RGS7: variants seen among roughly 807,000 people sequenced by gnomAD.
The protein encoded by RGS7 is regulator of G-protein signaling 7.
In RGS7, 27 loss-of-function variants were observed where a neutral mutation model predicts 81.1. That is an observed-to-expected ratio of 0.33 (90% CI 0.25 to 0.46). The LOEUF (loss-of-function observed/expected upper bound fraction) is 0.46. Ranked by LOEUF, RGS7 falls within the 20% of genes least tolerant of loss-of-function variation. The probability of loss-of-function intolerance (pLI) is 1.00; values close to 1 mark genes in which losing one functional copy is unlikely to be tolerated. For synonymous variants in RGS7, 208 were observed against 207.7 expected (o/e 1.00, Z -0.01); for missense variants, 396 against 607.4 (o/e 0.65, Z 3.66).
At chr1:241,226,315 G>A (rs929102577) in intron 2 of RGS7, among the ~76,000 whole-genome samples, 3 of 151,882 alleles carry the variant, frequency 2.0e-5, no homozygotes, top group South Asian at 2.1e-4. Flanking sequence ...GGTGTGCAAC[G>A]TTTGAGAGGA....
chr1:241,237,273 G>A (rs1297576410), intron 2 of RGS7, among the ~76,000 whole-genome samples: 1 of 152,068 alleles, frequency 6.6e-6, no homozygotes, highest in East Asian at 1.9e-4. Flanking sequence ...TGTTTTCAGG[G>A]AACATATCTG....
At position 240,841,034 on chromosome 1, in the gene RGS7, A is replaced by G. The variant is rs376729520; in HGVS notation, c.610-13862T>C. On this transcript the variant is annotated intron_variant, in intron 9 of 18. Coordinates refer to ENST00000440928, the MANE Select transcript of RGS7 (RefSeq NM_001364886.1). The stretch of plus-strand genomic sequence containing the variant: ...CTGATCATCACCTCTCATTATTATC[A>G]TACATTTATTTAACAGGAAACAAAT... Among the ~76,000 whole-genome samples the G allele has an allele frequency of 9.8e-5, 15 of 152,328 alleles. No individual in the cohort carries two copies. The South Asian group carries it at 1.2e-3, about 13-fold the overall frequency.
chr1:240,936,721 C>G lies in RGS7; in HGVS notation c.227-15G>C. Reference sequence around the variant, plus strand: ...GAGCGCCTCCACTGTTTTATGAAAACAAACAAAGAACATAAAAAAGCCTTT... The same window carrying G: ...GAGCGCCTCCACTGTTTTATGAAAAGAAACAAAGAACATAAAAAAGCCTTT... On this transcript the variant is annotated splice_polypyrimidine_tract_variant and intron_variant, in intron 4 of 18. Coordinates refer to ENST00000440928, the MANE Select transcript of RGS7 (RefSeq NM_001364886.1). 6.3e-7 allele frequency: 1 copy of G among 1,586,798 alleles called. No individual in the cohort carries two copies. Among genetic ancestry groups the G allele is most frequent in the South Asian group, 1.1e-5 (1 of 90,530 alleles).
chr1:241,029,753 C>T (rs2059972718), intron 3 of RGS7, among the ~76,000 whole-genome samples: 1 of 152,162 alleles, frequency 6.6e-6, no homozygotes, highest in African/African-American at 2.4e-5. Context: ...TCCCAGATTT[C>T]ACAACATCAG....
Position 241,355,068 on chromosome 1 carries a change from CA to C in RGS7, c.78+630del, listed in dbSNP as rs1040309756. Among the ~76,000 whole-genome samples, 4 of 147,798 alleles carry C rather than the reference CA, an allele frequency of 2.7e-5. No individual in the cohort carries two copies. The South Asian group carries it at 7.2e-4, about 27-fold the overall frequency. ...TAAGGCTGTCAAATCTATTTGTGGC[CA>C]AAAAAAAGCAACTCTGCAAGATAAA... On this transcript the variant is annotated intron_variant, in intron 2 of 18. Coordinates refer to ENST00000440928, the MANE Select transcript of RGS7 (RefSeq NM_001364886.1).
intron 18 of RGS7, among the ~76,000 whole-genome samples, chr1:240,798,059 G>T (rs943745280): frequency 1.3e-5 from 2 of 152,154 alleles, no homozygotes; most frequent in African/African-American, 4.8e-5. Context: ...ACAGCTGGAA[G>T]ATATTGGTGA....
At chr1:241,296,232 A>T (rs1315574027) in intron 2 of RGS7, among the ~76,000 whole-genome samples, 1 of 152,130 alleles carries the variant, frequency 6.6e-6, no homozygotes, top group Non-Finnish European at 1.5e-5. Flanking sequence ...AGAAGATAGG[A>T]GAAGATACCA....
intron 9 of RGS7, among the ~76,000 whole-genome samples, chr1:240,828,659 C>T (rs113074670): frequency 2.0e-5 from 3 of 152,224 alleles, no homozygotes; most frequent in East Asian, 1.9e-4. Flanking sequence ...TGGTGGCAGG[C>T]GCCTGTAGTC....
intron 9 of RGS7, among the ~76,000 whole-genome samples, chr1:240,855,308 C>CAAAAAGAA (rs1553325902): frequency 6.7e-5 from 1 of 14,922 alleles, no homozygotes; most frequent in African/African-American, 1.8e-4. Flanking sequence ...GACCATGTCT[C>CAAAAAGAA]AAAAAAAAAA....
chr1:241,192,894 G>T (rs2072790368), intron 2 of RGS7, among the ~76,000 whole-genome samples: 1 of 151,948 alleles, frequency 6.6e-6, no homozygotes, highest in Non-Finnish European at 1.5e-5. Flanking sequence ...ATATTATACT[G>T]ACTTGAAAAA....
At chr1:240,806,409 A>C (rs577939658) in intron 14 of RGS7, 83 bp from the exon 15 acceptor site, 4 of 1,350,760 alleles carry the variant, frequency 3.0e-6, no homozygotes, top group Non-Finnish European at 4.2e-6. Flanking sequence ...CATGCAGTTC[A>C]TCATGACGAC....
intron 18 of RGS7, among the ~76,000 whole-genome samples, chr1:240,790,755 A>G (rs1685858927): frequency 1.3e-5 from 2 of 152,160 alleles, no homozygotes; most frequent in Admixed American, 1.3e-4. Context: ...GATTCTTGCA[A>G]TGGGCTGGGG....
chr1:241,206,596 G>A (rs1208657586), intron 2 of RGS7, among the ~76,000 whole-genome samples: 4 of 152,122 alleles, frequency 2.6e-5, no homozygotes, highest in African/African-American at 7.2e-5. Flanking sequence ...GGCATACAAC[G>A]TGAGAAGATG....
chr1:240,966,188 C>T lies in RGS7; in HGVS notation c.226+16891G>A, dbSNP rs376365074. Reference sequence around the variant, plus strand: ...TATATAAAAAAAAAGTCTGGATATGCTATTTTTCTAAGCTGGAAGTAAATG... The same window carrying T: ...TATATAAAAAAAAAGTCTGGATATGTTATTTTTCTAAGCTGGAAGTAAATG... On this transcript the variant is annotated intron_variant, in intron 4 of 18. Transcript: ENST00000440928. 1.1e-3 allele frequency among the ~76,000 whole-genome samples: 173 copies of T among 152,060 alleles called. 1 individual carries two copies. Among genetic ancestry groups the T allele is most frequent in the African/African-American group, 3.9e-3 (163 of 41,496 alleles).
At chr1:241,298,756 G>A (rs1184478026) in intron 2 of RGS7, among the ~76,000 whole-genome samples, 2 of 152,154 alleles carry the variant, frequency 1.3e-5, no homozygotes, top group African/African-American at 2.4e-5. Context: ...AAACACTTGA[G>A]CAGCACAAGT....
At chr1:241,026,752 T>A (rs1211029685) in intron 3 of RGS7, among the ~76,000 whole-genome samples, 2 of 151,972 alleles carry the variant, frequency 1.3e-5, no homozygotes, top group Non-Finnish European at 2.9e-5. Flanking sequence ...TCATTCTAGA[T>A]ATTGTTAAGT....
At chr1:241,068,238 G>GTGTATATATATATATATATATA in intron 3 of RGS7, among the ~76,000 whole-genome samples, 2 of 35,674 alleles carry the variant, frequency 5.6e-5, no homozygotes, top group African/African-American at 1.9e-4. Flanking sequence ...GTGTGTGTGT[G>GTGTATATATATATATATATATA]TATATATATA....
chr1:240,806,070 TA>T, intron 15 of RGS7, 69 bp downstream of exon 15: 6 of 1,339,540 alleles, frequency 4.5e-6, no homozygotes, highest in Non-Finnish European at 6.4e-6. Context: ...AGAATGAAAA[TA>T]AAATGAATAC....
At chr1:240,965,581 T>G (rs1289256622) in intron 4 of RGS7, among the ~76,000 whole-genome samples, 1 of 152,146 alleles carries the variant, frequency 6.6e-6, no homozygotes, top group East Asian at 1.9e-4. Context: ...TGAACGAGGC[T>G]CACAAGTGGC....
Sources: allele counts gnomAD v4.1 joint callset (sites outside exome capture counted in the v4.1 genomes callset), GRCh38; gene constraint gnomAD v4.1.1; transcripts MANE v1.5; gene names NCBI Gene and HGNC (gene_info 2026-07-23, HGNC 2026-07-21).